Variants in APBA2 observed in about 807,000 individuals in gnomAD.
APBA2 encodes amyloid-beta A4 precursor protein-binding family A member 2.
A neutral mutation model predicts 75.0 loss-of-function variants in APBA2; 30 were observed. That is an observed-to-expected ratio of 0.40 (90% CI 0.30 to 0.54). APBA2 has a LOEUF of 0.54. Ranked by LOEUF, APBA2 falls within the 20% of genes least tolerant of loss-of-function variation. APBA2 has a pLI of 0.49. For missense variants in APBA2, 801 were observed against 1,016.1 expected (o/e 0.79, Z 2.88); for synonymous variants, 444 against 409.6 (o/e 1.08, Z -1.01).
At chr15:28,923,047 G>A (rs1341150089) in intron 2 of APBA2, among the ~76,000 whole-genome samples, 1 of 152,196 alleles carries the variant, frequency 6.6e-6, no homozygotes, top group East Asian at 1.9e-4. Context: ...CTGTGCCTTG[G>A]AATGCTTACT....
At chr15:29,112,532 C>T (rs2044791364) in intron 13 of APBA2, among the ~76,000 whole-genome samples, 1 of 152,166 alleles carries the variant, frequency 6.6e-6, no homozygotes, top group Admixed American at 6.5e-5. Flanking sequence ...CCTCCCAGGG[C>T]TCAGCACAGT....
rs530060431 is a variant in APBA2 at position 28,957,631 on chromosome 15, C to T, written c.-95+35882C>T. ...TAGCAGCTCTCTGTGGTTTGGATGGCGTTTTCCTGATGCACGATGGTGTGG... is the reference window on the plus strand; with the variant it reads ...TAGCAGCTCTCTGTGGTTTGGATGGTGTTTTCCTGATGCACGATGGTGTGG... On this transcript the variant is annotated intron_variant, in intron 2 of 14. Transcript: ENST00000683413. Among the ~76,000 whole-genome samples the T allele has an allele frequency of 2.6e-5, 4 of 152,126 alleles. No individual in the cohort carries two copies. The East Asian group carries it at 5.8e-4, about 22-fold the overall frequency.
intron 3 of APBA2, among the ~76,000 whole-genome samples, chr15:29,009,259 C>T (rs1298550348): frequency 6.6e-6 from 1 of 152,142 alleles, no homozygotes; most frequent in Non-Finnish European, 1.5e-5. Context: ...ACCCCCTCCC[C>T]TCACTGTAAC....
intron 4 of APBA2, among the ~76,000 whole-genome samples, chr15:29,067,111 A>T (rs2042411702): frequency 6.6e-6 from 1 of 152,056 alleles, no homozygotes; most frequent in South Asian, 2.1e-4. Flanking sequence ...TCTCTTGTGC[A>T]CTCAAAGTAA....
intron 4 of APBA2, among the ~76,000 whole-genome samples, chr15:29,064,764 G>A (rs1270194112): frequency 6.6e-6 from 1 of 152,170 alleles, no homozygotes; most frequent in African/African-American, 2.4e-5. Flanking sequence ...GGGGAGCCAG[G>A]AGAGAACTGG....
At chr15:28,927,697 G>T (rs1212469199) in intron 2 of APBA2, among the ~76,000 whole-genome samples, 1 of 151,662 alleles carries the variant, frequency 6.6e-6, no homozygotes, top group Non-Finnish European at 1.5e-5. Flanking sequence ...AAAGTGCTGG[G>T]ATTACAGGCA....
At chr15:29,044,047 C>T (rs1271295001) in intron 3 of APBA2, among the ~76,000 whole-genome samples, 1 of 152,144 alleles carries the variant, frequency 6.6e-6, no homozygotes, top group Non-Finnish European at 1.5e-5. Flanking sequence ...ATTATCTTTA[C>T]AACATGTGAG....
At chr15:28,978,195 C>A (rs1213130498) in intron 2 of APBA2, among the ~76,000 whole-genome samples, 1 of 152,214 alleles carries the variant, frequency 6.6e-6, no homozygotes, top group East Asian at 1.9e-4. Flanking sequence ...AAAGGAAGGT[C>A]TGGACACCCA....
intron 6 of APBA2, among the ~76,000 whole-genome samples, chr15:29,078,691 C>CA (rs2042960506): frequency 6.6e-6 from 1 of 151,710 alleles, no homozygotes; most frequent in Admixed American, 6.6e-5. Context: ...TCTGTGATGT[C>CA]AGGATTGGCG....
At chr15:28,961,383 G>A (rs2036461657) in intron 2 of APBA2, 1 of 152,238 alleles carries the variant, frequency 6.6e-6, no homozygotes, top group Non-Finnish European at 1.5e-5. Flanking sequence ...AGGGTGATGA[G>A]GGTTCTAAAA....
intron 2 of APBA2, among the ~76,000 whole-genome samples, chr15:28,994,840 G>A (rs1412587050): frequency 6.6e-6 from 1 of 152,194 alleles, no homozygotes; most frequent in African/African-American, 2.4e-5. Context: ...GCAGACCCCA[G>A]GACCAGATTG....
At position 29,093,137 on chromosome 15, in the gene APBA2, G is replaced by C; in HGVS notation, c.1132G>C (p.Gly378Arg). 1 of 1,614,258 alleles carries C rather than the reference G, an allele frequency of 6.2e-7. No homozygotes were observed. The highest frequency in any genetic ancestry group is 8.5e-7 in the Non-Finnish European group (1 of 1,180,052). ...DGIIFAANYLGSTQLLSERNP... is the reference protein window; with the variant it reads ...DGIIFAANYLRSTQLLSERNP... ...GATCATCTTTGCTGCCAATTACCTG[G>C]GGTCCACCCAGCTGCTATCAGAACG... is the stretch of plus-strand genomic sequence containing the variant. Residue 378 changes from glycine to arginine, a missense_variant, in exon 7 of 15, where the codon GGG (glycine) becomes CGG (arginine). Around this residue, in one of 2 missense-constraint regions of APBA2, gnomAD observed 367 missense variants for 544.5 expected, o/e 0.67. Coordinates refer to ENST00000683413, the MANE Select transcript of APBA2 (RefSeq NM_001353788.2).
chr15:29,111,770 C>T (rs1196520083), intron 13 of APBA2, among the ~76,000 whole-genome samples: 3 of 152,136 alleles, frequency 2.0e-5, no homozygotes, highest in African/African-American at 7.2e-5. Flanking sequence ...GGCCAGGGCT[C>T]ATCCACCCCA....
chr15:28,922,323 G>T (rs1269469907), intron 2 of APBA2, among the ~76,000 whole-genome samples: 1 of 152,198 alleles, frequency 6.6e-6, no homozygotes, highest in Non-Finnish European at 1.5e-5. Flanking sequence ...GGCACCACCA[G>T]TGTGGGCAGG....
chr15:29,066,128 C>T (rs1157525735), intron 4 of APBA2, among the ~76,000 whole-genome samples: 1 of 152,156 alleles, frequency 6.6e-6, no homozygotes, highest in Non-Finnish European at 1.5e-5. Context: ...TTCATTGCGG[C>T]CCCAGTTATG....
intron 2 of APBA2, among the ~76,000 whole-genome samples, chr15:28,945,521 AT>A (rs79363150): frequency 0.29 from 40,608 of 140,104 alleles, 8,828 homozygotes; most frequent in African/African-American, 0.6. Flanking sequence ...CCGCTCATTG[AT>A]TTTTTTTTTT....
chr15:29,001,431 G>T (rs1302808963), intron 3 of APBA2, among the ~76,000 whole-genome samples: 1 of 152,072 alleles, frequency 6.6e-6, no homozygotes, highest in Admixed American at 6.6e-5. Flanking sequence ...GACTGGTCTC[G>T]AACTCCTGGC....
rs536606161 is a variant in APBA2 at position 29,015,936 on chromosome 15, G to A, written c.-41+20130G>A. On this transcript the variant is annotated intron_variant, in intron 3 of 14. Transcript: ENST00000683413. ...CCAGAATTATTGTGAGGAACTGTGC[G>A]TGTATGTGCAGGAACTGGGTTAACA... Among the ~76,000 whole-genome samples, 11 of 152,314 alleles carry A rather than the reference G, an allele frequency of 7.2e-5. No individual in the cohort carries two copies. In the East Asian group the frequency reaches 1.9e-3, roughly 27 times the overall value.
intron 12 of APBA2, among the ~76,000 whole-genome samples, 199 bp downstream of exon 12, chr15:29,107,018 G>A (rs2044450766): frequency 6.6e-6 from 1 of 152,218 alleles, no homozygotes; most frequent in Non-Finnish European, 1.5e-5. Flanking sequence ...TGAATCAGAG[G>A]TGGACCCGGG....
Sources: gnomAD v4.1 joint callset for allele counts (sites outside exome capture counted in the v4.1 genomes callset) on GRCh38, gnomAD v4.1.1 for gene constraint, gnomAD v4.1.1 regional missense constraint, MANE v1.5 for transcripts, NCBI Gene and HGNC (gene_info 2026-07-23, HGNC 2026-07-21) for gene names.